TOP3A: variants seen among roughly 807,000 people sequenced by gnomAD.
TOP3A encodes DNA topoisomerase III alpha.
Under a neutral mutation model 111.3 loss-of-function variants are expected in TOP3A, and 64 were observed. The ratio of observed to expected loss-of-function variants is 0.57; its 90% CI spans 0.47 to 0.71. TOP3A has a LOEUF of 0.71. Ranked by LOEUF, TOP3A falls within the 30% of genes least tolerant of loss-of-function variation. The pLI is 0.00. For missense variants in TOP3A, 1,104 were observed against 1,285.0 expected (o/e 0.86, Z 2.15); for synonymous variants, 484 against 485.1 (o/e 1.00, Z 0.03).
intron 1 of TOP3A, 109 bp from the exon 2 acceptor site, chr17:18,309,050 C>T (rs541687321): frequency 3.5e-6 from 2 of 567,818 alleles, no homozygotes; most frequent in Non-Finnish European, 5.9e-6. Flanking sequence ...GTTATGATAC[C>T]AAAAATATAA....
At chr17:18,302,018 G>A (rs1465629206) in intron 7 of TOP3A, 33 bp from the exon 8 acceptor site, 1 of 1,587,406 alleles carries the variant, frequency 6.3e-7, no homozygotes. Context: ...GAAAGGCTGT[G>A]TCTCAGAGAC....
At chr17:18,303,911 C>T (rs1016442154) in intron 5 of TOP3A, among the ~76,000 whole-genome samples, 3 of 152,146 alleles carry the variant, frequency 2.0e-5, no homozygotes, top group Non-Finnish European at 4.4e-5. Context: ...TGAGAAATAC[C>T]CACAGGTGTG....
At chr17:18,308,686 TGAA>T (rs1452020307) in intron 2 of TOP3A, 193 bp downstream of exon 2, 9 of 475,382 alleles carry the variant, frequency 1.9e-5, no homozygotes, top group East Asian at 6.5e-5. Context: ...TTTTTTGTAA[TGAA>T]GAGCTGAGAT....
At position 18,282,835 on chromosome 17, in the gene TOP3A, G is replaced by A. The variant is rs778859776; in HGVS notation, c.1884C>T (p.Asp628=). The change falls in exon 16 of 19, where the codon GAC becomes GAT. Residue 628 remains aspartate (D), a synonymous_variant. Coordinates refer to ENST00000321105, the MANE Select transcript of TOP3A (RefSeq NM_004618.5). The stretch of plus-strand genomic sequence containing the variant: ...TCCCAAAGTACTGGGCCAAGGCCTC[G>A]TCCAATCTGAAGAAAAGGCAAAGAC... ...IEAVAKAKKL[D]EALAQYFGNG... 4.3e-6 allele frequency: 7 copies of A among 1,613,890 alleles called. No individual in the cohort carries two copies. Among genetic ancestry groups the A allele is most frequent in the South Asian group, 1.1e-5 (1 of 91,082 alleles).
At chr17:18,288,624 TG>T (rs1980275356) in intron 13 of TOP3A, among the ~76,000 whole-genome samples, 1 of 152,150 alleles carries the variant, frequency 6.6e-6, no homozygotes, top group South Asian at 2.1e-4. Flanking sequence ...TCACCTTCTA[TG>T]GCCACCCCCC....
At position 18,314,589 on chromosome 17, in the gene TOP3A, G is replaced by T; in HGVS notation, c.180+10C>A. 1 of 1,604,540 alleles carries T rather than the reference G, an allele frequency of 6.2e-7. No individual in the cohort carries two copies. Reference sequence around the variant, plus strand: ...TAAGGCACGCAGCTGATCGGAACGCGCTTTCTTACCCGCCTCATGCGACCG... The same window carrying T: ...TAAGGCACGCAGCTGATCGGAACGCTCTTTCTTACCCGCCTCATGCGACCG... On this transcript the variant is annotated intron_variant, in intron 1 of 18. Transcript: ENST00000321105.
chr17:18,287,884 G>A (rs915964657), intron 13 of TOP3A, among the ~76,000 whole-genome samples: 2 of 151,546 alleles, frequency 1.3e-5, no homozygotes, highest in African/African-American at 2.4e-5. Flanking sequence ...TGTAAGCCTA[G>A]CTACTCGGGA....
At chr17:18,293,256 G>A (rs186875931) in intron 10 of TOP3A, among the ~76,000 whole-genome samples, 9 of 152,346 alleles carry the variant, frequency 5.9e-5, no homozygotes, top group Non-Finnish European at 1.0e-4. Context: ...GAACAATGCT[G>A]TCCGATAAAC....
intron 16 of TOP3A, among the ~76,000 whole-genome samples, chr17:18,281,267 GA>G (rs975105425): frequency 6.6e-6 from 1 of 151,334 alleles, no homozygotes; most frequent in Non-Finnish European, 1.5e-5. Context: ...CACTATGAAG[GA>G]AAAAAAAGCC....
chr17:18,301,925 T>A lies in TOP3A; in HGVS notation c.875A>T (p.Asn292Ile). The A allele has an allele frequency of 6.2e-7, 1 of 1,614,208 alleles. No homozygotes were observed. Among genetic ancestry groups the A allele is most frequent in the Non-Finnish European group, 8.5e-7 (1 of 1,180,034 alleles). The change falls in exon 8 of 19, where the codon AAC becomes ATC. Residue 292 changes from asparagine (N) to isoleucine (I), a missense_variant. Transcript: ENST00000321105. ...ATAGAGAACTAGGCAAGCCGTGTGG[T>A]TAAAGAGTCGATGCCTTTTCCAGTT... ...EFNWKRHRLF[N>I]HTACLVLYQL... is the part of the protein sequence containing the mutation.
chr17:18,288,715 G>C (rs889822902), intron 13 of TOP3A, among the ~76,000 whole-genome samples: 1 of 152,128 alleles, frequency 6.6e-6, no homozygotes, highest in African/African-American at 2.4e-5. Flanking sequence ...GCTGCCCTTC[G>C]CTGATCCAGA....
At chr17:18,296,818 C>A (rs1475742540) in intron 9 of TOP3A, among the ~76,000 whole-genome samples, 1 of 152,148 alleles carries the variant, frequency 6.6e-6, no homozygotes, top group Non-Finnish European at 1.5e-5. Context: ...AAGGCATACT[C>A]CTAATGTGAT....
In TOP3A at chr17:18,272,177, TA is replaced by T. The variant is rs1346968692; in HGVS notation, c.*2624del. ...CCTGTGGAAAGATGGTCAATGTCAT[TA>T]ATGACTAGGAAAATGCAAAACAAAA... On this transcript the variant is annotated 3_prime_UTR_variant, in exon 19 of 19. Transcript: ENST00000321105. Among the ~76,000 whole-genome samples, 2 of 152,202 alleles carry T rather than the reference TA, an allele frequency of 1.3e-5. No homozygotes were observed. Among genetic ancestry groups the T allele is most frequent in the Admixed American group, 6.5e-5 (1 of 15,270 alleles).
At chr17:18,277,630 C>T (rs1979458961) in intron 18 of TOP3A, 45 bp downstream of exon 18, 1 of 1,567,666 alleles carries the variant, frequency 6.4e-7, no homozygotes, top group Non-Finnish European at 8.7e-7. Flanking sequence ...GAGGTAAACA[C>T]CTGAAAACTG....
intron 15 of TOP3A, among the ~76,000 whole-genome samples, chr17:18,284,174 ATTTT>A (rs34810719): frequency 1.6e-5 from 2 of 126,844 alleles, no homozygotes; most frequent in African/African-American, 2.9e-5. Context: ...TAATTTTTGT[ATTTT>A]TTTTTTTTTT....
chr17:18,299,460 G>A lies in TOP3A; in HGVS notation c.990+99C>T, dbSNP rs112436139. Reference sequence around the variant, plus strand: ...TTTCTTGTGTGGCCTGGTGATGGGTGATATTTTCTTCCACCAAGCCACAGT... The same window carrying A: ...TTTCTTGTGTGGCCTGGTGATGGGTAATATTTTCTTCCACCAAGCCACAGT... On this transcript the variant is annotated intron_variant, in intron 9 of 18. Coordinates refer to ENST00000321105, the MANE Select transcript of TOP3A (RefSeq NM_004618.5). 760 of 1,010,266 alleles carry A rather than the reference G, an allele frequency of 7.5e-4. 7 individuals are homozygous for A. The African/African-American group carries it at 9.5e-3, about 13-fold the overall frequency. 62.6% of individuals were successfully genotyped at this position (1,010,266 alleles called of 1,614,324 possible).
At position 18,273,391 on chromosome 17, in the gene TOP3A, A is replaced by C. The variant is rs577747505; in HGVS notation, c.*1411T>G. ...GATCTGAATCTGAACCTTTCATTAG[A>C]CATCTCTGCTCTGAGGGACCATCTG... On this transcript the variant is annotated 3_prime_UTR_variant, in exon 19 of 19. Coordinates refer to ENST00000321105, the MANE Select transcript of TOP3A (RefSeq NM_004618.5). 1 of 152,340 alleles carries C rather than the reference A, an allele frequency of 6.6e-6. No individual in the cohort carries two copies. The highest frequency in any genetic ancestry group is 1.5e-5 in the Non-Finnish European group (1 of 68,044). The allele number at this position is 152,340 out of a possible 1,614,324, so 9.4% of individuals were successfully genotyped here. A position where few individuals can be genotyped will look rare whatever the true frequency, so the allele number is the denominator to read the frequency against.
At position 18,277,908 on chromosome 17, in the gene TOP3A, C is replaced by G. The variant is rs1203590645; in HGVS notation, c.2594G>C (p.Arg865Thr). The change falls in exon 18 of 19, where the codon AGA becomes ACA. Residue 865 changes from arginine to threonine, a missense_variant. Coordinates refer to ENST00000321105, the MANE Select transcript of TOP3A (RefSeq NM_004618.5). Reference sequence around the variant, plus strand: ...GCATCCCAGGGAGGCGCCCAGGGGTCTATATGCCAAGGCAGGAGGCCCTCC... The same window carrying G: ...GCATCCCAGGGAGGCGCCCAGGGGTGTATATGCCAAGGCAGGAGGCCCTCC... ...GAGGPPALAY[R>T]PLGASLGCPP... The G allele has an allele frequency of 1.1e-5, 17 of 1,613,830 alleles. No homozygotes were observed. The highest frequency in any genetic ancestry group is 1.4e-5 in the Non-Finnish European group (17 of 1,180,022).
rs887690303 is a variant in TOP3A at position 18,273,368 on chromosome 17, T to A, written c.*1434A>T. 2.6e-5 allele frequency: 4 copies of A among 152,252 alleles called. No homozygotes were observed. Among genetic ancestry groups the A allele is most frequent in the Admixed American group, 2.0e-4 (3 of 15,284 alleles). 9.4% of individuals were successfully genotyped at this position (152,252 alleles called of 1,614,324 possible). The stretch of plus-strand genomic sequence containing the variant: ...AAAGTGGAAGATGGAAAGTTAGTGA[T>A]CTGAATCTGAACCTTTCATTAGACA... On this transcript the variant is annotated 3_prime_UTR_variant, in exon 19 of 19. Transcript: ENST00000321105.
Sources: allele counts gnomAD v4.1 joint callset (sites outside exome capture counted in the v4.1 genomes callset), GRCh38; gene constraint gnomAD v4.1.1; transcripts MANE v1.5; gene names NCBI Gene and HGNC (gene_info 2026-07-23, HGNC 2026-07-21).